OTUD7A: variants seen among roughly 807,000 people sequenced by gnomAD.
The protein encoded by OTUD7A is OTU deubiquitinase 7A.
OTUD7A carries 12 observed loss-of-function variants against 65.7 expected under a neutral mutation model. That is an observed-to-expected ratio of 0.18 (90% CI 0.12 to 0.30). The LOEUF (loss-of-function observed/expected upper bound fraction) is 0.30. Among genes scored for constraint, OTUD7A ranks in the 10% least tolerant of loss-of-function variants. The probability of loss-of-function intolerance (pLI) is 1.00; values close to 1 mark genes in which losing one functional copy is unlikely to be tolerated. For synonymous variants in OTUD7A, 641 were observed against 586.3 expected (o/e 1.09, Z -1.35); for missense variants, 1,148 against 1,304.8 (o/e 0.88, Z 1.85).
rs1300282665 is a variant in OTUD7A at position 31,686,252 on chromosome 15, T to C, written c.-99-29175A>G. Among the ~76,000 whole-genome samples the C allele has an allele frequency of 2.6e-5, 4 of 152,142 alleles. No individual in the cohort carries two copies. The East Asian group carries it at 5.8e-4, about 22-fold the overall frequency. ...CAAGCACCTGCAAGCCTCCTGGGAG[T>C]GGGCCTCTCTGCAGGGGCTTTGCCT... is the stretch of plus-strand genomic sequence containing the variant. On this transcript the variant is annotated intron_variant, in intron 1 of 12. Coordinates refer to ENST00000307050, the MANE Select transcript of OTUD7A (RefSeq NM_001382637.1).
At chr15:31,774,269 C>G (rs577384949) in intron 1 of OTUD7A, among the ~76,000 whole-genome samples, 3 of 152,262 alleles carry the variant, frequency 2.0e-5, no homozygotes, top group African/African-American at 7.2e-5. Flanking sequence ...CTGAAGCAGG[C>G]TGCCAGCTGA....
intron 1 of OTUD7A, 99 bp downstream of exon 1, chr15:31,870,408 A>AGGAGAC (rs1595828188): frequency 6.9e-6 from 1 of 145,750 alleles, no homozygotes; most frequent in African/African-American, 2.5e-5. Context: ...GAGCTCGGGA[A>AGGAGAC]GGAGACGGCG....
intron 1 of OTUD7A, among the ~76,000 whole-genome samples, chr15:31,678,974 T>C (rs1892653393): frequency 1.3e-5 from 2 of 152,238 alleles, no homozygotes; most frequent in East Asian, 3.9e-4. Context: ...GTCTATACCC[T>C]GCAATACCAC....
chr15:31,575,900 T>A (rs1304193289), intron 3 of OTUD7A, among the ~76,000 whole-genome samples: 1 of 152,068 alleles, frequency 6.6e-6, no homozygotes, highest in East Asian at 1.9e-4. Flanking sequence ...CATAAATAAA[T>A]AGCCTTAATC....
At chr15:31,665,115 T>G (rs1343425982) in intron 1 of OTUD7A, among the ~76,000 whole-genome samples, 4 of 152,204 alleles carry the variant, frequency 2.6e-5, no homozygotes, top group Admixed American at 1.3e-4. Context: ...TTGTTCTTTT[T>G]GCTTAGTCTT....
In OTUD7A at chr15:31,483,503, G is replaced by A. The variant is rs1322421305; in HGVS notation, c.2593C>T (p.Leu865=). The A allele has an allele frequency of 2.4e-5, 34 of 1,395,492 alleles. No homozygotes were observed. The highest frequency in any genetic ancestry group is 2.9e-5 in the Non-Finnish European group (31 of 1,072,804). 86.4% of individuals were successfully genotyped at this position (1,395,492 alleles called of 1,614,324 possible). A position where few individuals can be genotyped will look rare whatever the true frequency, so the allele number is the denominator to read the frequency against. The change falls in exon 13 of 13, where the codon CTG becomes TTG. Residue 865 remains leucine, a synonymous_variant. Transcript: ENST00000307050. The part of the protein sequence containing the change: ...SQTYTNGFGA[L]RDGLEFADAD... Reference sequence around the variant, plus strand: ...TCGGCGAACTCCAGGCCGTCGCGCAGGGCGCCGAAGCCGTTGGTGTAGGTC... The same window carrying A: ...TCGGCGAACTCCAGGCCGTCGCGCAAGGCGCCGAAGCCGTTGGTGTAGGTC...
intron 3 of OTUD7A, among the ~76,000 whole-genome samples, chr15:31,579,965 T>C (rs1595625516): frequency 1.3e-5 from 2 of 152,314 alleles, no homozygotes; most frequent in South Asian, 4.1e-4. Flanking sequence ...GTGAAAACTA[T>C]GTGCTATGTA....
intron 3 of OTUD7A, among the ~76,000 whole-genome samples, chr15:31,591,824 C>T (rs578178275): frequency 5.3e-5 from 8 of 152,152 alleles, no homozygotes; most frequent in Admixed American, 2.6e-4. Flanking sequence ...CATCATTGTG[C>T]GAACGAACAT....
chr15:31,604,852 C>A (rs993278410), intron 3 of OTUD7A, among the ~76,000 whole-genome samples: 1 of 152,172 alleles, frequency 6.6e-6, no homozygotes, highest in Non-Finnish European at 1.5e-5. Context: ...GTGCCCCTCA[C>A]CTCTGTGCCC....
chr15:31,864,925 C>A (rs563145635), intron 1 of OTUD7A, among the ~76,000 whole-genome samples: 1 of 152,150 alleles, frequency 6.6e-6, no homozygotes, highest in East Asian at 1.9e-4. Flanking sequence ...TTTTATTGAA[C>A]AACTTATCAA....
At chr15:31,648,803 C>T (rs1052304723) in intron 3 of OTUD7A, among the ~76,000 whole-genome samples, 1 of 152,132 alleles carries the variant, frequency 6.6e-6, no homozygotes, top group African/African-American at 2.4e-5. Context: ...GCTCTGTCTC[C>T]AGGCTGGAGT....
At chr15:31,516,123 T>C (rs2041850862) in intron 8 of OTUD7A, among the ~76,000 whole-genome samples, 1 of 152,250 alleles carries the variant, frequency 6.6e-6, no homozygotes, top group Non-Finnish European at 1.5e-5. Flanking sequence ...TGGAGCCTCC[T>C]GGCAGAACAC....
intron 3 of OTUD7A, among the ~76,000 whole-genome samples, chr15:31,643,769 T>C (rs927616235): frequency 1.3e-5 from 2 of 152,230 alleles, no homozygotes; most frequent in Non-Finnish European, 2.9e-5. Context: ...AGCTTTGTTG[T>C]AGAATGAAGT....
chr15:31,811,143 A>C (rs12904569), intron 1 of OTUD7A, among the ~76,000 whole-genome samples: 48,604 of 152,038 alleles, frequency 0.32, 8,422 homozygotes, highest in South Asian at 0.56. Context: ...CCCCACTTTC[A>C]AGGGCAATTT....
chr15:31,668,112 C>T (rs113304799), intron 1 of OTUD7A, among the ~76,000 whole-genome samples: 1 of 152,178 alleles, frequency 6.6e-6, no homozygotes, highest in Non-Finnish European at 1.5e-5. Context: ...AATCTGATGA[C>T]AATGTGCCTA....
intron 4 of OTUD7A, among the ~76,000 whole-genome samples, chr15:31,560,749 G>A (rs931152177): frequency 1.3e-5 from 2 of 152,162 alleles, no homozygotes; most frequent in African/African-American, 4.8e-5. Context: ...GCTATTCCCT[G>A]AGGTCCCAAG....
intron 3 of OTUD7A, among the ~76,000 whole-genome samples, chr15:31,616,397 A>G (rs1890586935): frequency 6.6e-6 from 1 of 152,208 alleles, no homozygotes; most frequent in South Asian, 2.1e-4. Flanking sequence ...ATTAACTGGA[A>G]ATGTATAACC....
intron 3 of OTUD7A, among the ~76,000 whole-genome samples, chr15:31,591,734 T>C (rs1165409378): frequency 6.6e-6 from 1 of 152,236 alleles, no homozygotes; most frequent in Non-Finnish European, 1.5e-5. Flanking sequence ...CAAACATGTA[T>C]GGATATGTGT....
At chr15:31,722,132 T>C (rs1228044350) in intron 1 of OTUD7A, among the ~76,000 whole-genome samples, 2 of 152,126 alleles carry the variant, frequency 1.3e-5, no homozygotes, top group Non-Finnish European at 2.9e-5. Context: ...TATTGAGCCA[T>C]GACATACCAT....
Sources: allele counts gnomAD v4.1 joint callset (sites outside exome capture counted in the v4.1 genomes callset), GRCh38; gene constraint gnomAD v4.1.1; transcripts MANE v1.5; gene names NCBI Gene and HGNC (gene_info 2026-07-23, HGNC 2026-07-21).